ZNF45: variants seen among roughly 807,000 people sequenced by gnomAD.
ZNF45 encodes the protein zinc finger protein 45.
ZNF45 carries 4 observed loss-of-function variants against 12.0 expected under a neutral mutation model. The observed-to-expected ratio is 0.33, with a 90% CI of 0.16 to 0.76. The LOEUF (loss-of-function observed/expected upper bound fraction) is 0.76, where lower values mean the gene tolerates loss of function less well. Ranked by LOEUF, ZNF45 falls within the 30% of genes least tolerant of loss-of-function variation. The pLI, the probability that ZNF45 is intolerant of heterozygous loss-of-function variation, is 0.60. For synonymous variants in ZNF45, 272 were observed against 279.6 expected (o/e 0.97, Z 0.27); for missense variants, 700 against 813.0 (o/e 0.86, Z 1.69).
intron 3 of ZNF45, chr19:43,926,373 A>AG (rs1183761112): frequency 1.3e-5 from 2 of 152,242 alleles, no homozygotes; most frequent in Non-Finnish European, 2.9e-5. Flanking sequence ...ATACCATCTT[A>AG]GGAAAGTACT....
At position 43,913,307 on chromosome 19, in the gene ZNF45, T is replaced by A. The variant is rs1368233854; in HGVS notation, c.*80A>T. 6.7e-7 allele frequency: 1 copy of A among 1,486,766 alleles called. No homozygotes were observed. The highest frequency in any genetic ancestry group is 2.3e-5 in the East Asian group (1 of 43,914). The allele number at this position is 1,486,766 out of a possible 1,614,324, so 92.1% of individuals were successfully genotyped here. On this transcript the variant is annotated 3_prime_UTR_variant, in exon 10 of 10. Coordinates refer to ENST00000269973, the MANE Select transcript of ZNF45 (RefSeq NM_003425.4). ...CCAATCACTTGGCTGAACTACTGACTCTATAAAACAAATGTTTTGTCTATG... is the reference window on the plus strand; with the variant it reads ...CCAATCACTTGGCTGAACTACTGACACTATAAAACAAATGTTTTGTCTATG...
intron 2 of ZNF45, among the ~76,000 whole-genome samples, chr19:43,934,196 G>A (rs1368674062): frequency 6.6e-6 from 1 of 152,130 alleles, no homozygotes; most frequent in Non-Finnish European, 1.5e-5. Flanking sequence ...TGTATAATTG[G>A]TGTAATAACA....
At chr19:43,924,147 C>T (rs1456611328) in intron 6 of ZNF45, 91 bp downstream of exon 6, 1 of 151,902 alleles carries the variant, frequency 6.6e-6, no homozygotes, top group Non-Finnish European at 1.5e-5. Flanking sequence ...ACAATAATAA[C>T]AACAAAAATG....
At chr19:43,924,908 T>G (rs1973546787) in intron 4 of ZNF45, among the ~76,000 whole-genome samples, 1 of 152,128 alleles carries the variant, frequency 6.6e-6, no homozygotes, top group African/African-American at 2.4e-5. Flanking sequence ...TCAATAGAAG[T>G]TACACATAAA....
chr19:43,929,691 C>G (rs1157004878), intron 3 of ZNF45, among the ~76,000 whole-genome samples: 2 of 152,144 alleles, frequency 1.3e-5, no homozygotes, highest in African/African-American at 4.8e-5. Context: ...TCCTATTTAG[C>G]CAGACCACCT....
chr19:43,923,546 G>C (rs1396065171), intron 6 of ZNF45, among the ~76,000 whole-genome samples: 1 of 152,122 alleles, frequency 6.6e-6, no homozygotes, highest in Non-Finnish European at 1.5e-5. Context: ...GTCATTCACT[G>C]GGGGACTTGG....
At position 43,922,178 on chromosome 19, in the gene ZNF45, T is replaced by C. The variant is rs1227772828; in HGVS notation, c.8A>G (p.Lys3Arg). 2 of 1,610,488 alleles carry C rather than the reference T, an allele frequency of 1.2e-6. No homozygotes were observed. The highest frequency in any genetic ancestry group is 1.7e-6 in the Non-Finnish European group (2 of 1,177,478). MT[K>R]SKEAVTFKDV... ...AAGGGAGGTCCAACTCACCTTAGAC[T>C]TCGTCATTTTGTCCTCCTCCTTCTG... Residue 3 changes from lysine to arginine, a missense_variant, in exon 7 of 10, where the codon AAG (lysine) becomes AGG (arginine). Coordinates refer to ENST00000269973, the MANE Select transcript of ZNF45 (RefSeq NM_003425.4).
In ZNF45 at chr19:43,914,856, A is replaced by G. The variant is rs1972509265; in HGVS notation, c.580T>C (p.Cys194Arg). ...RAHAGEKPYK[C>R]EKCDNAFRRF... ...CGGAAGGCATTATCACATTTTTCAC[A>G]TTTGTAGGGCTTCTCTCCTGCATGA... is the stretch of plus-strand genomic sequence containing the variant. Residue 194 changes from cysteine (C) to arginine (R), a missense_variant, in exon 10 of 10, where the codon TGT (cysteine) becomes CGT (arginine). Coordinates refer to ENST00000269973, the MANE Select transcript of ZNF45 (RefSeq NM_003425.4). 1 of 1,612,670 alleles carries G rather than the reference A, an allele frequency of 6.2e-7. No homozygotes were observed. The highest frequency in any genetic ancestry group is 8.5e-7 in the Non-Finnish European group (1 of 1,178,936).
chr19:43,914,155 A>G lies in ZNF45; in HGVS notation c.1281T>C (p.Arg427=), dbSNP rs1972437861. Residue 427 remains arginine, a synonymous_variant, in exon 10 of 10, where the codon CGT becomes CGC. Coordinates refer to ENST00000269973, the MANE Select transcript of ZNF45 (RefSeq NM_003425.4). ...TAAAATGAATGTTAAAATCTGAGCT[A>G]CGACTGAAGCCCTTACCACATGCAT... ...QCDACGKGFS[R]SSDFNIHFRV... 6.2e-7 allele frequency: 1 copy of G among 1,606,274 alleles called. No individual in the cohort carries two copies. The highest frequency in any genetic ancestry group is 8.5e-7 in the Non-Finnish European group (1 of 1,175,136).
chr19:43,913,642 G>A lies in ZNF45; in HGVS notation c.1794C>T (p.Tyr598=). 1 of 1,613,094 alleles carries A rather than the reference G, an allele frequency of 6.2e-7. No homozygotes were observed. The change falls in exon 10 of 10, where the codon TAC becomes TAT. Residue 598 remains tyrosine (Y), a synonymous_variant. Transcript: ENST00000269973. ...VCGKRFRQRS[Y]LQAHQRVHTG... is the part of the protein sequence containing the mutation. ...TGTGGACCCTCTGGTGGGCTTGAAG[G>A]TAGGATCTCTGTCTGAAGCGCTTAC...
chr19:43,915,268 A>G (rs1445207605), intron 9 of ZNF45, 68 bp from the exon 10 acceptor site: 4 of 1,423,200 alleles, frequency 2.8e-6, no homozygotes, highest in African/African-American at 2.8e-5. Context: ...TGTCAAGTTT[A>G]TAAACTCGGG....
chr19:43,918,867 C>T lies in ZNF45; in HGVS notation c.235+3G>A, dbSNP rs1161007412. ...ATGTCCAGCAGCCCCAGCCCCTCCT[C>T]ACCTGAGGAGTTATCTCTCTGGGTT... On this transcript the variant is annotated splice_donor_region_variant and intron_variant, in intron 9 of 9. Coordinates refer to ENST00000269973, the MANE Select transcript of ZNF45 (RefSeq NM_003425.4). The T allele has an allele frequency of 6.2e-7, 1 of 1,613,368 alleles. No individual in the cohort carries two copies. The highest frequency in any genetic ancestry group is 1.3e-5 in the African/African-American group (1 of 74,914).
At chr19:43,920,872 G>T (rs934724225) in intron 7 of ZNF45, among the ~76,000 whole-genome samples, 38 of 152,106 alleles carry the variant, frequency 2.5e-4, no homozygotes, top group African/African-American at 8.9e-4. Context: ...AAACTGCTGG[G>T]ATTACAGGTG....
At position 43,914,204 on chromosome 19, in the gene ZNF45, G is replaced by A. The variant is rs367966555; in HGVS notation, c.1232C>T (p.Thr411Ile). Residue 411 changes from threonine (T) to isoleucine (I), a missense_variant, in exon 10 of 10, where the codon ACT becomes ATT. Transcript: ENST00000269973. Reference protein sequence around the residue: ...SNLLDHQRGHTGEKPYQCDAC... With the variant: ...SNLLDHQRGHIGEKPYQCDAC... ...ATCACACTGATACGGTTTCTCTCCA[G>A]TATGGCCTCTTTGATGGTCCAGCAG... 4 of 1,606,638 alleles carry A rather than the reference G, an allele frequency of 2.5e-6. No individual in the cohort carries two copies. The African/African-American group carries it at 5.4e-5, about 22-fold the overall frequency.
At chr19:43,919,789 G>A in intron 7 of ZNF45, 90 bp from the exon 8 acceptor site, 1 of 1,429,958 alleles carries the variant, frequency 7.0e-7, no homozygotes, top group South Asian at 1.2e-5. Flanking sequence ...AGATGTGTAG[G>A]GAAAGGTGTC....
Position 43,914,828 on chromosome 19 carries a change from C to T in ZNF45, c.608G>A (p.Arg203Gln), listed in dbSNP as rs759300611. Residue 203 changes from arginine (R) to glutamine (Q), a missense_variant, in exon 10 of 10, where the codon CGG (arginine) becomes CAG (glutamine). Coordinates refer to ENST00000269973, the MANE Select transcript of ZNF45 (RefSeq NM_003425.4). ...CTGATGGGCTTGAAGACTTGAAAAC[C>T]GACGGAAGGCATTATCACATTTTTC... The part of the protein sequence containing the change: ...KCEKCDNAFR[R>Q]FSSLQAHQRV... 4.5e-5 allele frequency: 72 copies of T among 1,612,028 alleles called. No individual in the cohort carries two copies. The highest frequency in any genetic ancestry group is 5.3e-5 in the Non-Finnish European group (63 of 1,178,420).
intron 2 of ZNF45, among the ~76,000 whole-genome samples, chr19:43,933,098 A>T (rs1274631910): frequency 1.3e-5 from 2 of 152,202 alleles, no homozygotes; most frequent in Non-Finnish European, 2.9e-5. Flanking sequence ...TTTCTGTATA[A>T]TCCAGCCAAT....
Position 43,919,646 on chromosome 19 carries a change from T to C in ZNF45, c.69A>G (p.Gln23=). ...VAVVFSEEEL[Q]LLDLAQRKLY... ...GCTTCCTCTGGGCAAGGTCCAGCAG[T>C]TGCAGCTCCTCCTCAGAGAAGACCA... The change falls in exon 8 of 10, where the codon CAA becomes CAG. Residue 23 remains glutamine (Q), a synonymous_variant. Transcript: ENST00000269973. 3 of 1,613,292 alleles carry C rather than the reference T, an allele frequency of 1.9e-6. No homozygotes were observed. The highest frequency in any genetic ancestry group is 2.7e-5 in the African/African-American group (2 of 74,976).
intron 2 of ZNF45, among the ~76,000 whole-genome samples, chr19:43,934,123 C>A (rs1373780357): frequency 1.3e-5 from 2 of 152,200 alleles, no homozygotes; most frequent in African/African-American, 4.8e-5. Context: ...GGACACAAAT[C>A]CCACTGTTCT....
Sources: allele counts gnomAD v4.1 joint callset (sites outside exome capture counted in the v4.1 genomes callset), GRCh38; gene constraint gnomAD v4.1.1; transcripts MANE v1.5; gene names NCBI Gene and HGNC (gene_info 2026-07-23, HGNC 2026-07-21).